The following SEC23A variants were observed in gnomAD, a reference collection of about 807,000 sequenced individuals.
The protein encoded by SEC23A is protein transport protein Sec23A.
A neutral mutation model predicts 103.7 loss-of-function variants in SEC23A; 56 were observed. The ratio of observed to expected loss-of-function variants is 0.54; its 90% CI spans 0.44 to 0.67. SEC23A has a LOEUF of 0.67. Among genes scored for constraint, SEC23A ranks in the 30% least tolerant of loss-of-function variants. The pLI, the probability that SEC23A is intolerant of heterozygous loss-of-function variation, is 0.00. For missense variants in SEC23A, 784 were observed against 936.4 expected (o/e 0.84, Z 2.12); for synonymous variants, 281 against 293.0 (o/e 0.96, Z 0.42).
intron 8 of SEC23A, 130 bp from the exon 9 acceptor site, chr14:39,074,660 T>C: frequency 1.6e-6 from 1 of 638,156 alleles, no homozygotes; most frequent in Non-Finnish European, 2.8e-6. Flanking sequence ...GTTATTTAAC[T>C]TTCTGTAATG....
At chr14:39,093,985 A>G (rs1233038949) in intron 2 of SEC23A, among the ~76,000 whole-genome samples, 1 of 151,748 alleles carries the variant, frequency 6.6e-6, no homozygotes, top group Non-Finnish European at 1.5e-5. Flanking sequence ...TCTAGAAAAA[A>G]CAGACAAAAG....
chr14:39,063,058 AAAAG>A (rs1352781116), intron 12 of SEC23A, among the ~76,000 whole-genome samples: 11 of 152,344 alleles, frequency 7.2e-5, no homozygotes, highest in African/African-American at 2.4e-4. Context: ...ATATTCAAAA[AAAAG>A]AAAGAAAGAA....
chr14:39,063,253 T>G lies in SEC23A; in HGVS notation c.1398+71A>C, dbSNP rs958925457. On this transcript the variant is annotated intron_variant, in intron 12 of 19. Transcript: ENST00000307712. Reference sequence around the variant, plus strand: ...CTATAGGAAAAAAAATATGAACTATTCATGGCCTAAAGTAAGTACTTATTC... The same window carrying G: ...CTATAGGAAAAAAAATATGAACTATGCATGGCCTAAAGTAAGTACTTATTC... The G allele has an allele frequency of 3.3e-6, 3 of 899,692 alleles. No homozygotes were observed. In the African/African-American group the frequency reaches 4.9e-5, roughly 15 times the overall value. 55.7% of individuals were successfully genotyped at this position (899,692 alleles called of 1,614,324 possible).
chr14:39,051,027 T>A (rs1315002246), intron 14 of SEC23A, among the ~76,000 whole-genome samples: 3 of 152,214 alleles, frequency 2.0e-5, no homozygotes, highest in African/African-American at 7.2e-5. Flanking sequence ...TTTTTAGCTA[T>A]TACAACAACA....
intron 9 of SEC23A, among the ~76,000 whole-genome samples, chr14:39,069,282 T>C (rs962952813): frequency 8.5e-5 from 13 of 152,140 alleles, no homozygotes; most frequent in African/African-American, 2.7e-4. Context: ...TTTAAACTAT[T>C]AAGTCAGATC....
At chr14:39,041,868 CAA>C (rs773512856) in intron 17 of SEC23A, among the ~76,000 whole-genome samples, 17 of 88,752 alleles carry the variant, frequency 1.9e-4, no homozygotes, top group African/African-American at 2.4e-4. Context: ...GACTGAGTCT[CAA>C]AAAAAAAAAA....
chr14:39,070,822 T>C (rs1464922283), intron 9 of SEC23A, among the ~76,000 whole-genome samples: 1 of 151,442 alleles, frequency 6.6e-6, no homozygotes, highest in Non-Finnish European at 1.5e-5. Context: ...AGGTCAGGAG[T>C]CCGAGACTAG....
intron 16 of SEC23A, among the ~76,000 whole-genome samples, chr14:39,044,049 CTG>C (rs1885747489): frequency 6.6e-6 from 1 of 152,066 alleles, no homozygotes; most frequent in Non-Finnish European, 1.5e-5. Flanking sequence ...ATAAACCTGA[CTG>C]TTGTTATGGT....
At position 39,041,868 on chromosome 14, in the gene SEC23A, C is replaced by CAAA. The variant is rs773512856; in HGVS notation, c.1986+915_1986+917dup. Among the ~76,000 whole-genome samples the CAAA allele has an allele frequency of 2.0e-3, 175 of 88,662 alleles. 1 individual carries two copies. The highest frequency in any genetic ancestry group is 0.01 in the East Asian group (31 of 3,050). 58.2% of individuals were successfully genotyped at this position (88,662 alleles called of 152,430 possible). A position where few individuals can be genotyped will look rare whatever the true frequency, so the allele number is the denominator to read the frequency against. On this transcript the variant is annotated intron_variant, in intron 17 of 19. Coordinates refer to ENST00000307712, the MANE Select transcript of SEC23A (RefSeq NM_006364.4). ...TGGGTGAAAGAGCAAGACTGAGTCT[C>CAAA]AAAAAAAAAAAAAAAAAAGTCCTGG...
chr14:39,053,022 C>A (rs1386595614), intron 14 of SEC23A, among the ~76,000 whole-genome samples: 1 of 152,176 alleles, frequency 6.6e-6, no homozygotes, highest in Non-Finnish European at 1.5e-5. Flanking sequence ...GTAATCCCAG[C>A]AGCTCCAGAG....
At chr14:39,073,278 T>C (rs1273741138) in intron 9 of SEC23A, among the ~76,000 whole-genome samples, 1 of 152,184 alleles carries the variant, frequency 6.6e-6, no homozygotes, top group Non-Finnish European at 1.5e-5. Context: ...AAGAAACCAA[T>C]CACAAGAGAC....
intron 15 of SEC23A, chr14:39,047,410 T>TG: frequency 3.9e-6 from 5 of 1,288,942 alleles, no homozygotes; most frequent in Non-Finnish European, 5.1e-6. Flanking sequence ...CTCCAGGATC[T>TG]CACCAGAGGT....
Position 39,055,135 on chromosome 14 carries a change from T to C in SEC23A, c.1659+8A>G, listed in dbSNP as rs1185332188. The stretch of plus-strand genomic sequence containing the variant: ...CAGATTTAGAAAAGCACAGTGTTTA[T>C]TTCTTACCAGTCGAATGAGCTGTCT... On this transcript the variant is annotated splice_region_variant and intron_variant, in intron 14 of 19. Transcript: ENST00000307712. The C allele has an allele frequency of 1.2e-6, 2 of 1,614,156 alleles. No individual in the cohort carries two copies. The highest frequency in any genetic ancestry group is 2.2e-5 in the East Asian group (1 of 44,884).
chr14:39,088,102 A>G (rs1400879743), intron 5 of SEC23A: 1 of 152,248 alleles, frequency 6.6e-6, no homozygotes, highest in Non-Finnish European at 1.5e-5. Flanking sequence ...TGACACAATC[A>G]GCAAAGACAA....
At chr14:39,043,617 GAGGGAAGAC>G (rs1237438095) in intron 16 of SEC23A, among the ~76,000 whole-genome samples, 3 of 152,204 alleles carry the variant, frequency 2.0e-5, no homozygotes, top group Non-Finnish European at 4.4e-5. Flanking sequence ...ACATCACTGA[GAGGGAAGAC>G]AGGGAAAGCC....
intron 11 of SEC23A, 122 bp downstream of exon 11, chr14:39,064,791 G>T: frequency 1.3e-6 from 1 of 778,328 alleles, no homozygotes; most frequent in Non-Finnish European, 2.3e-6. Context: ...TGTTGCCTGA[G>T]CTGGTCTCTA....
In SEC23A at chr14:39,064,907, A is replaced by T; in HGVS notation, c.1308+6T>A. 6.3e-7 allele frequency: 1 copy of T among 1,597,178 alleles called. No homozygotes were observed. Among genetic ancestry groups the T allele is most frequent in the Non-Finnish European group, 8.6e-7 (1 of 1,164,768 alleles). On this transcript the variant is annotated splice_donor_region_variant and intron_variant, in intron 11 of 19. Transcript: ENST00000307712. ...GTATTTTCTTTTTAGAATAAACACA[A>T]CTTACATTTTCAGACACACAGGGTC...
chr14:39,084,036 T>G (rs934505418), intron 7 of SEC23A, among the ~76,000 whole-genome samples: 2 of 152,120 alleles, frequency 1.3e-5, no homozygotes, highest in Admixed American at 1.3e-4. Flanking sequence ...TTTGTTTTGT[T>G]TTTGAGATGG....
At chr14:39,100,415 A>AG in intron 1 of SEC23A, among the ~76,000 whole-genome samples, 1 of 63,040 alleles carries the variant, frequency 1.6e-5, no homozygotes, top group Non-Finnish European at 2.7e-5. Context: ...AGCCAACTTA[A>AG]CTTTTTTTTT....
Sources: gnomAD v4.1 joint callset for allele counts (sites outside exome capture counted in the v4.1 genomes callset) on GRCh38, gnomAD v4.1.1 for gene constraint, MANE v1.5 for transcripts, NCBI Gene and HGNC (gene_info 2026-07-23, HGNC 2026-07-21) for gene names.